HCN1: variants seen among roughly 807,000 people sequenced by gnomAD.
HCN1 encodes hyperpolarization activated cyclic nucleotide gated potassium channel 1.
In HCN1, 13 loss-of-function variants were observed where a neutral mutation model predicts 78.9. The ratio of observed to expected loss-of-function variants is 0.16; its 90% CI spans 0.11 to 0.26. The LOEUF is 0.26. Among genes scored for constraint, HCN1 ranks in the 10% least tolerant of loss-of-function variants. The probability of loss-of-function intolerance (pLI) is 1.00; values close to 1 mark genes in which losing one functional copy is unlikely to be tolerated. For synonymous variants in HCN1, 552 were observed against 455.5 expected, an observed-to-expected ratio of 1.21 and a Z score of -2.70; for missense variants, 810 against 1,154.3, an observed-to-expected ratio of 0.70 and a Z score of 4.32.
intron 2 of HCN1, among the ~76,000 whole-genome samples, chr5:45,551,695 A>G (rs1247430109): frequency 6.6e-6 from 1 of 151,944 alleles, no homozygotes; most frequent in African/African-American, 2.4e-5. Flanking sequence ...ACCTGTTTCC[A>G]ACAATTATCT....
At chr5:45,547,177 T>C (rs1173247024) in intron 2 of HCN1, among the ~76,000 whole-genome samples, 2 of 151,962 alleles carry the variant, frequency 1.3e-5, no homozygotes, top group Non-Finnish European at 2.9e-5. Context: ...AGATCCTTCA[T>C]GATATGTCTC....
intron 2 of HCN1, among the ~76,000 whole-genome samples, chr5:45,617,097 A>C (rs748766305): frequency 1.2e-4 from 19 of 152,164 alleles, no homozygotes; most frequent in African/African-American, 4.6e-4. Context: ...AAAAACATAT[A>C]TATTTATACT....
At chr5:45,308,267 C>A (rs1027561670) in intron 5 of HCN1, among the ~76,000 whole-genome samples, 7 of 152,012 alleles carry the variant, frequency 4.6e-5, no homozygotes, top group Non-Finnish European at 8.8e-5. Context: ...GTACAGGCTG[C>A]TGAATCGTGA....
At position 45,606,773 on chromosome 5, in the gene HCN1, A is replaced by G. The variant is rs1006314027; in HGVS notation, c.849+38412T>C. 2.0e-5 allele frequency among the ~76,000 whole-genome samples: 3 copies of G among 152,088 alleles called. No individual in the cohort carries two copies. The East Asian group carries it at 5.8e-4, about 29-fold the overall frequency. On this transcript the variant is annotated intron_variant, in intron 2 of 7. Transcript: ENST00000303230. ...AAGAGCTCTCATAATAGAAATAACA[A>G]AACAGTCATCACGAATGAATCTAAA...
At chr5:45,524,900 T>C (rs750930016) in intron 2 of HCN1, among the ~76,000 whole-genome samples, 2 of 152,156 alleles carry the variant, frequency 1.3e-5, no homozygotes, top group Non-Finnish European at 2.9e-5. Context: ...CTATGTTGAA[T>C]AGGAGTGGTG....
chr5:45,522,792 A>ACAC (rs1742642184), intron 2 of HCN1, among the ~76,000 whole-genome samples: 1 of 151,730 alleles, frequency 6.6e-6, no homozygotes, highest in African/African-American at 2.4e-5. Context: ...AATAGTTGAA[A>ACAC]CACGCTCATG....
intron 2 of HCN1, among the ~76,000 whole-genome samples, chr5:45,612,171 A>AT (rs1273489365): frequency 6.6e-6 from 1 of 152,028 alleles, no homozygotes; most frequent in Non-Finnish European, 1.5e-5. Flanking sequence ...TGGAGTCTTG[A>AT]TTTAATTTTC....
At chr5:45,418,062 C>A (rs1166153941) in intron 3 of HCN1, among the ~76,000 whole-genome samples, 1 of 151,534 alleles carries the variant, frequency 6.6e-6, no homozygotes, top group Non-Finnish European at 1.5e-5. Flanking sequence ...AAAGTGAGTA[C>A]CTAAAATAAT....
intron 3 of HCN1, among the ~76,000 whole-genome samples, chr5:45,401,952 G>C (rs567673333): frequency 6.6e-6 from 1 of 152,176 alleles, no homozygotes; most frequent in South Asian, 2.1e-4. Context: ...GGTTTAAACT[G>C]AACTACTGTG....
intron 6 of HCN1, among the ~76,000 whole-genome samples, chr5:45,289,216 G>A (rs1458537234): frequency 6.6e-6 from 1 of 151,986 alleles, no homozygotes; most frequent in Non-Finnish European, 1.5e-5. Context: ...GCTTCCAAAT[G>A]TATACTTAAT....
chr5:45,305,256 C>G (rs1207101819), intron 5 of HCN1, among the ~76,000 whole-genome samples: 1 of 152,114 alleles, frequency 6.6e-6, no homozygotes, highest in South Asian at 2.1e-4. Context: ...ATAAAATAAC[C>G]TAATGCCATC....
chr5:45,671,369 T>G (rs1746146542), intron 1 of HCN1, among the ~76,000 whole-genome samples: 1 of 151,400 alleles, frequency 6.6e-6, no homozygotes, highest in South Asian at 2.1e-4. Flanking sequence ...ATGCATTAGA[T>G]TATCTGCTAT....
chr5:45,299,425 C>T (rs1270378228), intron 6 of HCN1, among the ~76,000 whole-genome samples: 1 of 151,942 alleles, frequency 6.6e-6, no homozygotes, highest in Non-Finnish European at 1.5e-5. Flanking sequence ...CGCTCTCTGT[C>T]TCTATAACTA....
intron 5 of HCN1, among the ~76,000 whole-genome samples, chr5:45,335,472 G>A (rs752738240): frequency 1.3e-5 from 2 of 152,046 alleles, no homozygotes; most frequent in African/African-American, 2.4e-5. Context: ...CTGATAAAAT[G>A]AAGGGAAAGC....
intron 2 of HCN1, among the ~76,000 whole-genome samples, chr5:45,554,860 C>T (rs907178197): frequency 5.9e-5 from 9 of 151,740 alleles, no homozygotes; most frequent in African/African-American, 2.2e-4. Context: ...AGCATCTCAC[C>T]CCTTCTTTGA....
intron 3 of HCN1, among the ~76,000 whole-genome samples, chr5:45,438,544 C>T (rs1740608828): frequency 1.3e-5 from 2 of 150,800 alleles, no homozygotes; most frequent in South Asian, 4.2e-4. Context: ...TGAGCCGAAT[C>T]GCGCTACTGC....
At chr5:45,523,399 G>A (rs553891751) in intron 2 of HCN1, among the ~76,000 whole-genome samples, 3 of 152,070 alleles carry the variant, frequency 2.0e-5, no homozygotes, top group Admixed American at 6.6e-5. Context: ...GGGTCAAATG[G>A]TATTTCTAGT....
At chr5:45,644,884 C>A in intron 2 of HCN1, 3 of 402,362 alleles carry the variant, frequency 7.5e-6, no homozygotes, top group South Asian at 4.7e-5. Context: ...TAAAAAAAAC[C>A]AAGGTGGGAA....
chr5:45,299,868 TAAC>T (rs1194550981), intron 6 of HCN1, among the ~76,000 whole-genome samples: 2 of 152,048 alleles, frequency 1.3e-5, no homozygotes, highest in South Asian at 2.1e-4. Context: ...ATGACTCCAA[TAAC>T]AACAACATTA....
Sources: gnomAD v4.1 joint callset for allele counts (sites outside exome capture counted in the v4.1 genomes callset) on GRCh38, gnomAD v4.1.1 for gene constraint, MANE v1.5 for transcripts, NCBI Gene and HGNC (gene_info 2026-07-23, HGNC 2026-07-21) for gene names.